Variants in PRUNE1 observed in about 807,000 individuals in gnomAD.
The protein encoded by PRUNE1 is exopolyphosphatase PRUNE1.
In PRUNE1, 25 loss-of-function variants were observed where a neutral mutation model predicts 42.5. The observed-to-expected ratio is 0.59, with a 90% confidence interval of 0.43 to 0.82. The LOEUF is 0.82. PRUNE1 is among the 40% of genes least tolerant of loss of function. PRUNE1 has a pLI of 0.00. For synonymous variants in PRUNE1, 203 were observed against 217.1 expected (o/e 0.93, Z 0.57); for missense variants, 443 against 539.3 (o/e 0.82, Z 1.77).
At chr1:151,026,758 T>G (rs1421710797) in intron 5 of PRUNE1, among the ~76,000 whole-genome samples, 3 of 152,064 alleles carry the variant, frequency 2.0e-5, no homozygotes, top group Admixed American at 1.3e-4. Context: ...GGTTTCATCC[T>G]TCTCTCCAAA....
intron 6 of PRUNE1, among the ~76,000 whole-genome samples, chr1:151,028,089 G>A (rs910326667): frequency 7.3e-5 from 11 of 151,702 alleles, no homozygotes; most frequent in Non-Finnish European, 1.6e-4. Context: ...CTCATTCCCA[G>A]CTGAGCTTTT....
At position 151,018,613 on chromosome 1, in the gene PRUNE1, A is replaced by G; in HGVS notation, c.279A>G (p.Ala93=). ...TTCGGGATGAGATTGACCTCCATGC[A>G]TTATACCAGGCTGGCCAACTCACCC... ...LIFRDEIDLH[A]LYQAGQLTLI... The change falls in exon 3 of 8, where the codon GCA becomes GCG. Residue 93 remains alanine (A), a synonymous_variant. Transcript: ENST00000271620. 5.0e-6 allele frequency: 8 copies of G among 1,614,230 alleles called. No homozygotes were observed. The highest frequency in any genetic ancestry group is 5.9e-6 in the Non-Finnish European group (7 of 1,180,044).
At chr1:151,013,620 GTCTCTCCTGCTTGCTCTGCCTTT>G (rs1331035632) in intron 1 of PRUNE1, among the ~76,000 whole-genome samples, 1 of 152,094 alleles carries the variant, frequency 6.6e-6, no homozygotes, top group African/African-American at 2.4e-5. Context: ...CCTGCAGTAG[GTCTCTCCTGCTTGCTCTGCCTTT>G]TCTCCACTGC....
chr1:151,021,294 A>G (rs995817093), intron 3 of PRUNE1, among the ~76,000 whole-genome samples: 5 of 152,120 alleles, frequency 3.3e-5, no homozygotes, highest in East Asian at 1.9e-4. Context: ...CATCTCTACT[A>G]AAAATACAAA....
At position 151,028,974 on chromosome 1, in the gene PRUNE1, A is replaced by G. The variant is rs759141244; in HGVS notation, c.933+30A>G. ...GTCTGTGTCCCTTCTCCAACCTAAG[A>G]GCCTTACAGAGTCTGCCTGTATGTA... On this transcript the variant is annotated intron_variant, in intron 7 of 7. Transcript: ENST00000271620. 110 of 1,585,478 alleles carry G rather than the reference A, an allele frequency of 6.9e-5. 1 individual carries two copies. Among genetic ancestry groups the G allele is most frequent in the South Asian group, 4.8e-4 (43 of 89,940 alleles).
At chr1:151,025,166 A>AAAG (rs1553253751) in intron 4 of PRUNE1, among the ~76,000 whole-genome samples, 2 of 151,158 alleles carry the variant, frequency 1.3e-5, no homozygotes, top group Admixed American at 6.6e-5. Context: ...TGTAAAAAAA[A>AAAG]AGAGAGAGAG....
chr1:151,029,560 G>T (rs1388288144), intron 7 of PRUNE1, among the ~76,000 whole-genome samples: 1 of 151,282 alleles, frequency 6.6e-6, no homozygotes, highest in Non-Finnish European at 1.5e-5. Flanking sequence ...GTAGAGACGG[G>T]GTTTCACCGT....
chr1:151,031,733 C>T (rs1425225344), intron 7 of PRUNE1, among the ~76,000 whole-genome samples: 2 of 151,918 alleles, frequency 1.3e-5, no homozygotes, highest in African/African-American at 4.8e-5. Flanking sequence ...TTCCTCCATC[C>T]CTCTTCTGGC....
chr1:151,032,624 G>A (rs1464061802), intron 7 of PRUNE1, among the ~76,000 whole-genome samples: 1 of 150,204 alleles, frequency 6.7e-6, no homozygotes, highest in Non-Finnish European at 1.5e-5. Context: ...TGAGGCAGGA[G>A]ATTCACTTGA....
chr1:151,027,381 T>C, intron 6 of PRUNE1, 54 bp downstream of exon 6: 1 of 1,328,178 alleles, frequency 7.5e-7, no homozygotes, highest in Non-Finnish European at 1.1e-6. Context: ...GCTATGCATG[T>C]TATGCATGTG....
chr1:151,033,018 C>G (rs762656530), intron 7 of PRUNE1, among the ~76,000 whole-genome samples: 1 of 152,080 alleles, frequency 6.6e-6, no homozygotes, highest in Non-Finnish European at 1.5e-5. Flanking sequence ...AGGTGATCCG[C>G]CCACCTTGGC....
chr1:151,014,764 G>GC (rs1355461738), intron 1 of PRUNE1, among the ~76,000 whole-genome samples: 1 of 152,118 alleles, frequency 6.6e-6, no homozygotes, highest in African/African-American at 2.4e-5. Context: ...GGGCAGTTTT[G>GC]CCCCCCAGGG....
At chr1:151,010,178 G>A (rs776135748) in intron 1 of PRUNE1, among the ~76,000 whole-genome samples, 3 of 151,800 alleles carry the variant, frequency 2.0e-5, no homozygotes, top group African/African-American at 4.8e-5. Flanking sequence ...TCACCTCCCC[G>A]GCTCAAGTGA....
At chr1:151,016,511 A>G (rs1229623082) in intron 1 of PRUNE1, among the ~76,000 whole-genome samples, 1 of 151,904 alleles carries the variant, frequency 6.6e-6, no homozygotes, top group African/African-American at 2.4e-5. Context: ...TATTTTATTT[A>G]TTTATTTGAG....
chr1:151,012,439 A>G (rs1193831588), intron 1 of PRUNE1, among the ~76,000 whole-genome samples: 1 of 152,200 alleles, frequency 6.6e-6, no homozygotes, highest in Non-Finnish European at 1.5e-5. Flanking sequence ...AGTTTGAACA[A>G]TCAAATATAT....
At chr1:151,026,405 C>T (rs1281723611) in intron 5 of PRUNE1, among the ~76,000 whole-genome samples, 6 of 151,952 alleles carry the variant, frequency 3.9e-5, no homozygotes, top group African/African-American at 1.4e-4. Context: ...TTGCAGTGAG[C>T]CGAGATTGCG....
intron 6 of PRUNE1, among the ~76,000 whole-genome samples, chr1:151,028,557 G>T (rs1675026441): frequency 6.6e-6 from 1 of 152,118 alleles, no homozygotes; most frequent in Non-Finnish European, 1.5e-5. Context: ...CTGAGTAGCT[G>T]GGATTACAGG....
At position 151,017,849 on chromosome 1, in the gene PRUNE1, C is replaced by G. The variant is rs141143258; in HGVS notation, c.77C>G (p.Ala26Gly). ...RPLHVVLGNE[A>G]CDLDSTVSAL... ...CTACATGTTGTGCTGGGAAATGAAG[C>G]CTGTGATTTGGACTCCACAGTGTCT... Residue 26 changes from alanine (A) to glycine (G), a missense_variant, in exon 2 of 8, where the codon GCC (alanine) becomes GGC (glycine). Ala to Gly is a moderately conservative substitution (Grantham distance 60, BLOSUM62 0). Coordinates refer to ENST00000271620, the MANE Select transcript of PRUNE1 (RefSeq NM_021222.3). 1.5e-4 allele frequency: 234 copies of G among 1,607,498 alleles called. No individual in the cohort carries two copies. The highest frequency in any genetic ancestry group is 1.9e-4 in the Non-Finnish European group (219 of 1,174,266).
intron 1 of PRUNE1, among the ~76,000 whole-genome samples, chr1:151,016,936 G>A (rs587682191): frequency 2.3e-4 from 35 of 151,376 alleles, no homozygotes; most frequent in African/African-American, 7.0e-4. Context: ...CAAGGCGGGC[G>A]GATCACCTGA....
Sources: allele counts gnomAD v4.1 joint callset (sites outside exome capture counted in the v4.1 genomes callset), GRCh38; gene constraint gnomAD v4.1.1; transcripts MANE v1.5; gene names NCBI Gene and HGNC (gene_info 2026-07-23, HGNC 2026-07-21).